The following SGCG variants were observed in gnomAD, a reference collection of about 807,000 sequenced individuals.
SGCG encodes the protein sarcoglycan gamma.
A neutral mutation model predicts 29.3 loss-of-function variants in SGCG; 26 were observed. The observed-to-expected ratio is 0.89, with a 90% CI of 0.65 to 1.23. SGCG has a LOEUF of 1.23. Among genes scored for constraint, SGCG ranks in the 50% most tolerant of loss-of-function variants. The probability of loss-of-function intolerance (pLI) is 0.00; values close to 1 mark genes in which losing one functional copy is unlikely to be tolerated. For synonymous variants in SGCG, 145 were observed against 129.7 expected, an observed-to-expected ratio of 1.12 and a Z score of -0.80; for missense variants, 353 against 356.0, an observed-to-expected ratio of 0.99 and a Z score of 0.07.
intron 1 of SGCG, among the ~76,000 whole-genome samples, chr13:23,186,534 A>G (rs139429375): frequency 3.3e-5 from 5 of 152,252 alleles, no homozygotes; most frequent in African/African-American, 9.6e-5. Context: ...GCTGGCAAAC[A>G]TGACCACTTC....
At chr13:23,177,989 C>T (rs1876614487), upstream of SGCG, among the ~76,000 whole-genome samples, 1 of 152,092 alleles carries the variant, frequency 6.6e-6, no homozygotes, top group African/African-American at 2.4e-5. Flanking sequence ...TTTGTGATTC[C>T]AAACTCCCCA....
chr13:23,305,326 C>G lies in SGCG; in HGVS notation c.578+9839C>G, dbSNP rs9550954. 0.017 allele frequency among the ~76,000 whole-genome samples: 2,593 copies of G among 152,188 alleles called. 263 individuals carry two copies. In the East Asian group the frequency reaches 0.28, roughly 16 times the overall value. On this transcript the variant is annotated intron_variant, in intron 6 of 7. Transcript: ENST00000218867. The stretch of plus-strand genomic sequence containing the variant: ...AGGTTTATTACATCATCATTATTCC[C>G]TGTTACTGTTTTAGATATGAAGGCT...
chr13:23,174,729 A>T, the SGCG span, among the ~76,000 whole-genome samples: 1 of 152,234 alleles, frequency 6.6e-6, no homozygotes, highest in African/African-American at 2.4e-5. Flanking sequence ...GGAACTGGTA[A>T]TAGAAACACT....
chr13:23,219,062 T>C (rs907857084), intron 2 of SGCG, among the ~76,000 whole-genome samples: 6 of 150,932 alleles, frequency 4.0e-5, no homozygotes, highest in African/African-American at 1.5e-4. Flanking sequence ...TGTTTTTTTT[T>C]CTTGAGATGG....
At chr13:23,252,690 CAAAA>C (rs779108062) in intron 4 of SGCG, among the ~76,000 whole-genome samples, 2 of 147,942 alleles carry the variant, frequency 1.4e-5, no homozygotes, top group Middle Eastern at 3.2e-3. Flanking sequence ...GACTGTGTCT[CAAAA>C]AAAACAAAAC....
chr13:23,222,008 G>T (rs1001609578), intron 2 of SGCG, among the ~76,000 whole-genome samples: 9 of 152,222 alleles, frequency 5.9e-5, no homozygotes. Context: ...TGCTGAAGTG[G>T]AAGGTGATAA....
intron 2 of SGCG, among the ~76,000 whole-genome samples, chr13:23,224,681 C>A (rs955729540): frequency 8.4e-6 from 1 of 119,562 alleles, no homozygotes; most frequent in African/African-American, 2.8e-5. Flanking sequence ...CACACACACA[C>A]CCCACACCAG....
intron 2 of SGCG, among the ~76,000 whole-genome samples, chr13:23,225,969 C>T (rs1878879369): frequency 6.6e-6 from 1 of 152,120 alleles, no homozygotes; most frequent in South Asian, 2.1e-4. Flanking sequence ...GAGCTTGGCT[C>T]CCATTGTTCA....
intron 6 of SGCG, among the ~76,000 whole-genome samples, chr13:23,304,647 A>G (rs568873256): frequency 2.7e-4 from 41 of 151,526 alleles, no homozygotes; most frequent in Non-Finnish European, 4.9e-4. Flanking sequence ...TCTGTTGCCC[A>G]GGCTGGAGTG....
intron 5 of SGCG, among the ~76,000 whole-genome samples, chr13:23,283,663 C>A (rs1447594270): frequency 6.6e-6 from 1 of 152,204 alleles, no homozygotes; most frequent in Admixed American, 6.5e-5. Flanking sequence ...CATTATGATG[C>A]TAGCTGATCA....
chr13:23,315,066 G>A (rs1882756028), intron 6 of SGCG, among the ~76,000 whole-genome samples: 1 of 152,232 alleles, frequency 6.6e-6, no homozygotes, highest in South Asian at 2.1e-4. Flanking sequence ...GGTGTCAGTG[G>A]CAGATAGGGA....
At chr13:23,160,820 C>T in the SGCG span, among the ~76,000 whole-genome samples, 1 of 152,298 alleles carries the variant, frequency 6.6e-6, no homozygotes, top group Non-Finnish European at 1.5e-5. Flanking sequence ...TCCTCGCCTT[C>T]TCTGCCCCAG....
chr13:23,227,014 C>A (rs986342341), intron 2 of SGCG, among the ~76,000 whole-genome samples: 1 of 152,078 alleles, frequency 6.6e-6, no homozygotes, highest in Non-Finnish European at 1.5e-5. Context: ...CATTGTTTTT[C>A]TACCTGCTTG....
In SGCG at chr13:23,311,007, A is replaced by T. The variant is rs552062368; in HGVS notation, c.579-9630A>T. On this transcript the variant is annotated intron_variant, in intron 6 of 7. Transcript: ENST00000218867. ...TAATGTCCACTGCTTCTTCTTGGAA[A>T]CATTCTTTTCTTCTTATTTAATTTC... Among the ~76,000 whole-genome samples the T allele has an allele frequency of 3.9e-5, 6 of 152,272 alleles. No homozygotes were observed. The South Asian group carries it at 1.2e-3, about 32-fold the overall frequency.
intron 6 of SGCG, among the ~76,000 whole-genome samples, chr13:23,314,955 T>C (rs1179210204): frequency 6.6e-6 from 1 of 152,114 alleles, no homozygotes; most frequent in Non-Finnish European, 1.5e-5. Context: ...CAGTTTTTAG[T>C]GAGGTCCAGA....
intron 4 of SGCG, among the ~76,000 whole-genome samples, chr13:23,257,851 G>T (rs948740036): frequency 6.6e-6 from 1 of 152,112 alleles, no homozygotes; most frequent in African/African-American, 2.4e-5. Flanking sequence ...AAGATCAGAT[G>T]GTTGTAGATA....
At chr13:23,254,217 C>T (rs116425164) in intron 4 of SGCG, among the ~76,000 whole-genome samples, 140 of 152,192 alleles carry the variant, frequency 9.2e-4, no homozygotes, top group African/African-American at 3.3e-3. Flanking sequence ...TTCTTAGAGA[C>T]TTAGTAAGTG....
chr13:23,198,728 C>T (rs1288164001), intron 1 of SGCG, among the ~76,000 whole-genome samples: 2 of 151,520 alleles, frequency 1.3e-5, no homozygotes, highest in African/African-American at 2.4e-5. Context: ...CACCTGTAAT[C>T]CCAGCTACTC....
At chr13:23,279,145 A>G (rs1236098655) in intron 4 of SGCG, among the ~76,000 whole-genome samples, 2 of 152,226 alleles carry the variant, frequency 1.3e-5, no homozygotes, top group Non-Finnish European at 2.9e-5. Context: ...GATATAGGTT[A>G]ACATATGTTT....
Sources: gnomAD v4.1 joint callset for allele counts (sites outside exome capture counted in the v4.1 genomes callset) on GRCh38, gnomAD v4.1.1 for gene constraint, MANE v1.5 for transcripts, NCBI Gene and HGNC (gene_info 2026-07-23, HGNC 2026-07-21) for gene names.